ARHGEF28: variants seen among roughly 807,000 people sequenced by gnomAD.
The protein encoded by ARHGEF28 is Rho guanine nucleotide exchange factor 28.
ARHGEF28 carries 152 observed loss-of-function variants against 206.6 expected under a neutral mutation model. The observed-to-expected ratio is 0.74, with a 90% confidence interval of 0.64 to 0.84. The LOEUF (loss-of-function observed/expected upper bound fraction) is 0.84. Among genes scored for constraint, ARHGEF28 ranks in the 40% least tolerant of loss-of-function variants. The probability of loss-of-function intolerance (pLI) is 0.00; values close to 1 mark genes in which losing one functional copy is unlikely to be tolerated. For missense variants in ARHGEF28, 2,028 were observed against 2,073.2 expected (o/e 0.98, Z 0.42); for synonymous variants, 763 against 776.4 (o/e 0.98, Z 0.29).
chr5:73,671,118 T>C (rs565094125), intron 1 of ARHGEF28, among the ~76,000 whole-genome samples: 1 of 152,352 alleles, frequency 6.6e-6, no homozygotes, highest in South Asian at 2.1e-4. Flanking sequence ...CTATAAAGTT[T>C]GTTGATGGAC....
At chr5:73,915,913 G>A (rs1473655569) in intron 35 of ARHGEF28, among the ~76,000 whole-genome samples, 2 of 152,198 alleles carry the variant, frequency 1.3e-5, no homozygotes, top group East Asian at 3.9e-4. Context: ...TGTAAGTCAA[G>A]CCAAATTTTA....
At chr5:73,747,230 G>C (rs954538080) in intron 2 of ARHGEF28, among the ~76,000 whole-genome samples, 3 of 152,146 alleles carry the variant, frequency 2.0e-5, no homozygotes, top group Admixed American at 6.5e-5. Flanking sequence ...CTGAAACAAA[G>C]AATGTAATTG....
chr5:73,685,246 G>T (rs968874435), intron 2 of ARHGEF28, among the ~76,000 whole-genome samples: 2 of 152,132 alleles, frequency 1.3e-5, no homozygotes, highest in Admixed American at 6.6e-5. Context: ...CATGATAATT[G>T]TGTCAGCTAA....
At chr5:73,897,811 T>G in intron 29 of ARHGEF28, 151 bp from the exon 30 acceptor site, 1 of 877,004 alleles carries the variant, frequency 1.1e-6, no homozygotes, top group East Asian at 3.1e-5. Flanking sequence ...TGCCCATGTT[T>G]TGACAACCTT....
intron 1 of ARHGEF28, among the ~76,000 whole-genome samples, chr5:73,671,995 G>A (rs1250075982): frequency 2.0e-5 from 3 of 151,594 alleles, no homozygotes; most frequent in African/African-American, 2.4e-5. Flanking sequence ...GACCTCAGGT[G>A]ATCCACCCGC....
chr5:73,893,867 A>G (rs889093268), intron 28 of ARHGEF28, among the ~76,000 whole-genome samples: 4 of 152,206 alleles, frequency 2.6e-5, no homozygotes, highest in African/African-American at 9.7e-5. Context: ...CCTGGATTCA[A>G]TGCTAGTTAA....
chr5:73,805,217 G>A (rs1440850131), intron 9 of ARHGEF28, among the ~76,000 whole-genome samples: 1 of 152,022 alleles, frequency 6.6e-6, no homozygotes, highest in Non-Finnish European at 1.5e-5. Flanking sequence ...GGGTGGTAAA[G>A]GTGTTCTTTG....
chr5:73,634,995 A>G (rs1743605089), intron 1 of ARHGEF28, among the ~76,000 whole-genome samples: 2 of 152,318 alleles, frequency 1.3e-5, no homozygotes, highest in Admixed American at 6.5e-5. Context: ...AATTCTAAAG[A>G]GCATGACTCC....
chr5:73,792,635 T>G (rs1754546075), intron 7 of ARHGEF28, among the ~76,000 whole-genome samples: 2 of 143,430 alleles, frequency 1.4e-5, no homozygotes, highest in South Asian at 4.6e-4. Flanking sequence ...CAGGTTATCC[T>G]TCCCTTCTTT....
intron 11 of ARHGEF28, among the ~76,000 whole-genome samples, chr5:73,845,773 T>C (rs1758297462): frequency 6.6e-6 from 1 of 151,864 alleles, no homozygotes; most frequent in Admixed American, 6.6e-5. Flanking sequence ...GGTGGGTGGA[T>C]CCATTGAGCC....
intron 1 of ARHGEF28, among the ~76,000 whole-genome samples, chr5:73,631,718 T>A (rs1303241194): frequency 6.6e-6 from 1 of 152,222 alleles, no homozygotes; most frequent in Admixed American, 6.5e-5. Flanking sequence ...TGTTTCTCCC[T>A]TGTGAACTCT....
intron 2 of ARHGEF28, among the ~76,000 whole-genome samples, chr5:73,735,248 T>C (rs1455079842): frequency 6.6e-6 from 1 of 151,394 alleles, no homozygotes; most frequent in African/African-American, 2.4e-5. Context: ...TAAAATTAAT[T>C]AAATTAAATT....
intron 1 of ARHGEF28, among the ~76,000 whole-genome samples, chr5:73,674,326 G>C (rs565686399): frequency 1.3e-5 from 2 of 152,312 alleles, no homozygotes; most frequent in African/African-American, 2.4e-5. Flanking sequence ...AGGACTTTGT[G>C]CTGAGGCTAC....
At chr5:73,921,637 G>T (rs907649607) in intron 35 of ARHGEF28, among the ~76,000 whole-genome samples, 10 of 152,132 alleles carry the variant, frequency 6.6e-5, no homozygotes, top group African/African-American at 2.2e-4. Flanking sequence ...TTTTCACAGT[G>T]ACTCTTTTCC....
chr5:73,830,321 A>G (rs557213527), intron 9 of ARHGEF28, among the ~76,000 whole-genome samples: 14 of 152,216 alleles, frequency 9.2e-5, no homozygotes, highest in Admixed American at 2.6e-4. Context: ...TGGGAGGCCG[A>G]GGCGGCTGGA....
At chr5:73,886,215 C>A in intron 25 of ARHGEF28, 111 bp downstream of exon 25, 1 of 1,327,150 alleles carries the variant, frequency 7.5e-7, no homozygotes, top group Admixed American at 2.7e-5. Flanking sequence ...CATGCGCAAA[C>A]CCTGGGTCAG....
chr5:73,778,324 A>G (rs1753651222), intron 6 of ARHGEF28: 1 of 152,182 alleles, frequency 6.6e-6, no homozygotes, highest in Non-Finnish European at 1.5e-5. Context: ...AATCTTCTAA[A>G]GTCTTAGGCT....
At chr5:73,939,094 CTT>C (rs1561212010) in intron 35 of ARHGEF28, among the ~76,000 whole-genome samples, 1 of 152,050 alleles carries the variant, frequency 6.6e-6, no homozygotes, top group African/African-American at 2.4e-5. Context: ...GCACGAGAGT[CTT>C]GATCATTAGA....
chr5:73,875,211 T>C lies in ARHGEF28; in HGVS notation c.2814+1965T>C, dbSNP rs200739428. The stretch of plus-strand genomic sequence containing the variant: ...TTCATGTGTCTTTTGGCTGCATAAA[T>C]ATCTTCTTTTGAGAAGTGTCTGTTC... On this transcript the variant is annotated intron_variant, in intron 22 of 35. Transcript: ENST00000513042. Among the ~76,000 whole-genome samples the C allele has an allele frequency of 1.7e-3, 264 of 152,286 alleles. 2 individuals carry two copies. The highest frequency in any genetic ancestry group is 5.9e-3 in the African/African-American group (247 of 41,546).
Sources: gnomAD v4.1 joint callset for allele counts (sites outside exome capture counted in the v4.1 genomes callset) on GRCh38, gnomAD v4.1.1 for gene constraint, MANE v1.5 for transcripts, NCBI Gene and HGNC (gene_info 2026-07-23, HGNC 2026-07-21) for gene names.